ELK3: variants seen among roughly 807,000 people sequenced by gnomAD.
ELK3 encodes the protein ETS domain-containing protein Elk-3.
In ELK3, 10 loss-of-function variants were observed where a neutral mutation model predicts 28.9. That is an observed-to-expected ratio of 0.35 (90% CI 0.21 to 0.59). The LOEUF is 0.59. Ranked by LOEUF, ELK3 falls within the 20% of genes least tolerant of loss-of-function variation. The pLI is 0.82. For synonymous variants in ELK3, 272 were observed against 243.5 expected (o/e 1.12, Z -1.09); for missense variants, 463 against 517.3 (o/e 0.90, Z 1.02).
At chr12:96,254,064 G>A (rs1401266086) in intron 3 of ELK3, among the ~76,000 whole-genome samples, 1 of 152,218 alleles carries the variant, frequency 6.6e-6, no homozygotes, top group African/African-American at 2.4e-5. Flanking sequence ...AGTGGCTCAC[G>A]CCTGTAATCC....
chr12:96,255,000 T>C (rs764805584), intron 3 of ELK3, among the ~76,000 whole-genome samples: 2 of 152,124 alleles, frequency 1.3e-5, no homozygotes, highest in African/African-American at 4.8e-5. Context: ...TGAATTGTTT[T>C]AGGAATCACC....
intron 1 of ELK3, among the ~76,000 whole-genome samples, chr12:96,220,462 A>C (rs1299096581): frequency 7.7e-6 from 1 of 129,746 alleles, no homozygotes; most frequent in Non-Finnish European, 1.5e-5. Context: ...ATCTTGGCTT[A>C]CTGCAACCTC....
At chr12:96,221,092 C>G (rs959328421) in intron 1 of ELK3, among the ~76,000 whole-genome samples, 2 of 152,188 alleles carry the variant, frequency 1.3e-5, no homozygotes, top group African/African-American at 2.4e-5. Flanking sequence ...AATGCAATCA[C>G]ATGGCAAAGC....
At chr12:96,207,176 G>T (rs909748938) in intron 1 of ELK3, among the ~76,000 whole-genome samples, 1 of 152,192 alleles carries the variant, frequency 6.6e-6, no homozygotes, top group Admixed American at 6.5e-5. Flanking sequence ...GGCTGTGCTT[G>T]TACTTTTACC....
At chr12:96,234,566 C>G (rs1335970239) in intron 2 of ELK3, among the ~76,000 whole-genome samples, 2 of 152,204 alleles carry the variant, frequency 1.3e-5, no homozygotes, top group Non-Finnish European at 2.9e-5. Flanking sequence ...TCCTCCACGG[C>G]TCTTCTCAGT....
At chr12:96,244,732 G>C (rs1951844688) in intron 2 of ELK3, among the ~76,000 whole-genome samples, 2 of 152,128 alleles carry the variant, frequency 1.3e-5, no homozygotes, top group Admixed American at 6.6e-5. Context: ...TAACACACCA[G>C]GCCAGCACAC....
intron 1 of ELK3, among the ~76,000 whole-genome samples, 189 bp downstream of exon 1, chr12:96,194,894 G>A (rs965445186): frequency 5.4e-5 from 8 of 146,794 alleles, no homozygotes; most frequent in African/African-American, 1.7e-4. Context: ...GGGGCGCCGC[G>A]GATGCTCCTG....
At chr12:96,228,030 T>C (rs890585349) in intron 2 of ELK3, among the ~76,000 whole-genome samples, 5 of 152,076 alleles carry the variant, frequency 3.3e-5, no homozygotes, top group African/African-American at 1.2e-4. Context: ...AATTAGAAAC[T>C]GGGAGGATCA....
intron 3 of ELK3, among the ~76,000 whole-genome samples, chr12:96,251,691 A>G (rs1018729423): frequency 6.6e-6 from 1 of 152,238 alleles, no homozygotes; most frequent in East Asian, 1.9e-4. Context: ...TAGAAGATCA[A>G]ACCAGCCACA....
At chr12:96,250,101 C>T (rs1410487661) in intron 3 of ELK3, among the ~76,000 whole-genome samples, 1 of 151,264 alleles carries the variant, frequency 6.6e-6, no homozygotes, top group Non-Finnish European at 1.5e-5. Flanking sequence ...TCAGAGAGGG[C>T]CTTCGGGTCA....
intron 1 of ELK3, 71 bp from the exon 2 acceptor site, chr12:96,223,494 C>T (rs1383884491): frequency 6.7e-7 from 1 of 1,484,544 alleles, no homozygotes; most frequent in Non-Finnish European, 9.4e-7. Flanking sequence ...CATTCTGAAG[C>T]CCCCTCTCTC....
intron 4 of ELK3, among the ~76,000 whole-genome samples, chr12:96,261,838 C>T (rs376546622): frequency 2.2e-4 from 34 of 152,244 alleles, no homozygotes; most frequent in Non-Finnish European, 4.4e-4. Context: ...ATCAGGATCT[C>T]TGGGAGTTGG....
intron 2 of ELK3, among the ~76,000 whole-genome samples, chr12:96,227,216 C>T (rs1258502942): frequency 6.6e-6 from 1 of 152,042 alleles, no homozygotes; most frequent in African/African-American, 2.4e-5. Flanking sequence ...TCGGCCTGAC[C>T]GTTTGCCTTT....
At chr12:96,259,993 G>T in intron 4 of ELK3, 140 bp downstream of exon 4, 1 of 1,174,168 alleles carries the variant, frequency 8.5e-7, no homozygotes, top group Non-Finnish European at 1.1e-6. Flanking sequence ...TGTTAGTGGG[G>T]TTGCACGCCC....
intron 1 of ELK3, among the ~76,000 whole-genome samples, chr12:96,197,289 T>C (rs1353418002): frequency 2.0e-5 from 3 of 152,164 alleles, no homozygotes; most frequent in Non-Finnish European, 2.9e-5. Context: ...TTGGTTGTTA[T>C]AACTAAGGGG....
Position 96,247,638 on chromosome 12 carries a change from C to T in ELK3, c.906C>T (p.Pro302=), listed in dbSNP as rs1354382864. 6.2e-7 allele frequency: 1 copy of T among 1,613,088 alleles called. No homozygotes were observed. Among genetic ancestry groups the T allele is most frequent in the Non-Finnish European group, 8.5e-7 (1 of 1,180,004 alleles). ...CCAAAGGCTTGGAAATCTCAGCGCC[C>T]CCGCTGGTGCTCTCCGGCACCGACA... ...KKPKGLEISA[P]PLVLSGTDIG... Residue 302 remains proline, a synonymous_variant, in exon 3 of 5, where the codon CCC becomes CCT. Transcript: ENST00000228741. The surrounding 1 kb of genome is among the most constrained non-coding windows in gnomAD (Gnocchi z 5.5).
At chr12:96,251,187 A>ATAAC (rs1951902699) in intron 3 of ELK3, among the ~76,000 whole-genome samples, 2 of 152,144 alleles carry the variant, frequency 1.3e-5, no homozygotes, top group Admixed American at 1.3e-4. Context: ...TGTCTGTTAT[A>ATAAC]GTGCTCTGAG....
At chr12:96,259,652 A>AC in intron 3 of ELK3, 79 bp from the exon 4 acceptor site, 1 of 1,480,940 alleles carries the variant, frequency 6.8e-7, no homozygotes, top group South Asian at 1.4e-5. Flanking sequence ...AGCCTACCTA[A>AC]CCTCTCTCTG....
rs750325563 is a variant in ELK3 at position 96,259,857 on chromosome 12, A to G, written c.1125+4A>G. On this transcript the variant is annotated splice_donor_region_variant and intron_variant, in intron 4 of 4. Transcript: ENST00000228741. ...AGGGCCAAGCACGCTGTTCCAGGTG[A>G]GCGTTTGGAAATGAACTTTTGAACA... 1 of 1,588,426 alleles carries G rather than the reference A, an allele frequency of 6.3e-7. No individual in the cohort carries two copies. The highest frequency in any genetic ancestry group is 1.1e-5 in the South Asian group (1 of 88,326).
Sources: gnomAD v4.1 joint callset for allele counts (sites outside exome capture counted in the v4.1 genomes callset) on GRCh38, gnomAD v4.1.1 for gene constraint, Gnocchi (gnomAD v3.1) non-coding constraint, MANE v1.5 for transcripts, NCBI Gene and HGNC (gene_info 2026-07-23, HGNC 2026-07-21) for gene names.